EPHB1: variants seen among roughly 807,000 people sequenced by gnomAD.
The protein encoded by EPHB1 is EPH receptor B1.
In EPHB1, 30 loss-of-function variants were observed where a neutral mutation model predicts 94.4. The ratio of observed to expected loss-of-function variants is 0.32; its 90% confidence interval spans 0.24 to 0.43. The LOEUF (loss-of-function observed/expected upper bound fraction) is 0.43. Ranked by LOEUF, EPHB1 falls within the 20% of genes least tolerant of loss-of-function variation. The pLI, the probability that EPHB1 is intolerant of heterozygous loss-of-function variation, is 1.00. For missense variants in EPHB1, 1,055 were observed against 1,308.3 expected, an observed-to-expected ratio of 0.81 and a Z score of 2.99; for synonymous variants, 522 against 489.1, an observed-to-expected ratio of 1.07 and a Z score of -0.89.
intron 9 of EPHB1, among the ~76,000 whole-genome samples, chr3:135,177,665 C>T (rs1279288244): frequency 1.3e-5 from 2 of 152,188 alleles, no homozygotes; most frequent in African/African-American, 4.8e-5. Context: ...CTTCCCTTCT[C>T]ATCTCAGGTA....
At chr3:134,965,770 G>A (rs774947878) in intron 3 of EPHB1, among the ~76,000 whole-genome samples, 10 of 151,922 alleles carry the variant, frequency 6.6e-5, no homozygotes, top group Non-Finnish European at 1.0e-4. Flanking sequence ...TCCACCTTGA[G>A]GACCTTCTGC....
intron 3 of EPHB1, among the ~76,000 whole-genome samples, chr3:135,049,064 C>T (rs778908311): frequency 4.6e-5 from 7 of 152,130 alleles, no homozygotes; most frequent in African/African-American, 1.7e-4. Context: ...TAAGTGGAGC[C>T]GCCTATTCTG....
chr3:135,112,752 G>C (rs1479629615), intron 4 of EPHB1, among the ~76,000 whole-genome samples: 1 of 151,862 alleles, frequency 6.6e-6, no homozygotes, highest in African/African-American at 2.4e-5. Flanking sequence ...GTATTCCATG[G>C]TGTATATGTG....
chr3:135,066,411 T>G (rs991284100), intron 3 of EPHB1, among the ~76,000 whole-genome samples: 1 of 152,364 alleles, frequency 6.6e-6, no homozygotes, highest in East Asian at 1.9e-4. Context: ...TTCCTTTTTC[T>G]TTGTCTTTGT....
chr3:135,232,744 A>G (rs770376042), intron 12 of EPHB1, among the ~76,000 whole-genome samples: 3 of 152,228 alleles, frequency 2.0e-5, no homozygotes, highest in Non-Finnish European at 4.4e-5. Context: ...TTATAAAGAA[A>G]GAGGTTTAAT....
chr3:135,254,529 T>C (rs1434154694), intron 15 of EPHB1, among the ~76,000 whole-genome samples: 1 of 151,478 alleles, frequency 6.6e-6, no homozygotes, highest in African/African-American at 2.4e-5. Flanking sequence ...TTGATTTGCG[T>C]ATATTGAACC....
In EPHB1 at chr3:134,826,317, A is replaced by T. The variant is rs11922047; in HGVS notation, c.58+30628A>T. On this transcript the variant is annotated intron_variant, in intron 1 of 15. Coordinates refer to ENST00000398015, the MANE Select transcript of EPHB1 (RefSeq NM_004441.5). The stretch of plus-strand genomic sequence containing the variant: ...CTGAGCTAAGAGCCAGAATACAATT[A>T]GGAAGTTCTTCTTGTTATCTGCTTG... Among the ~76,000 whole-genome samples, 1,278 of 151,814 alleles carry T rather than the reference A, an allele frequency of 8.4e-3. 12 individuals are homozygous for T. Among genetic ancestry groups the T allele is most frequent in the African/African-American group, 0.028 (1,170 of 41,396 alleles).
intron 2 of EPHB1, among the ~76,000 whole-genome samples, chr3:134,938,602 A>G (rs949448579): frequency 2.6e-5 from 4 of 152,366 alleles, no homozygotes; most frequent in African/African-American, 2.4e-5. Flanking sequence ...CAGAAGAGTC[A>G]TAGAGCATAC....
At chr3:135,137,086 G>A (rs1296314403) in intron 5 of EPHB1, among the ~76,000 whole-genome samples, 1 of 152,220 alleles carries the variant, frequency 6.6e-6, no homozygotes, top group East Asian at 1.9e-4. Context: ...GAGTGTCAAA[G>A]TTGGAAAAGA....
rs117868147 is a variant in EPHB1 at position 135,105,017 on chromosome 3, G to A, written c.806-1431G>A. Reference sequence around the variant, plus strand: ...CCTTGGTAACTTTTGTAACCTCTCCGTGTCCCAGTTTCCTCATTAGCAAAA... The same window carrying A: ...CCTTGGTAACTTTTGTAACCTCTCCATGTCCCAGTTTCCTCATTAGCAAAA... On this transcript the variant is annotated intron_variant, in intron 3 of 15. Transcript: ENST00000398015. 1.9e-3 allele frequency among the ~76,000 whole-genome samples: 289 copies of A among 152,218 alleles called. 13 individuals carry two copies. In the East Asian group the frequency reaches 0.049, roughly 26 times the overall value.
intron 1 of EPHB1, among the ~76,000 whole-genome samples, chr3:134,832,574 C>T (rs924850581): frequency 3.3e-5 from 5 of 152,194 alleles, no homozygotes; most frequent in Admixed American, 1.3e-4. Context: ...TAATATTTTT[C>T]CTTAATTCAC....
At chr3:135,115,677 T>TGTGGA (rs1477337392) in intron 4 of EPHB1, among the ~76,000 whole-genome samples, 1 of 152,178 alleles carries the variant, frequency 6.6e-6, no homozygotes, top group African/African-American at 2.4e-5. Context: ...CAGGGTTGAC[T>TGTGGA]CTCAGCTCCA....
chr3:135,009,946 A>C (rs181811936), intron 3 of EPHB1, among the ~76,000 whole-genome samples: 1 of 152,354 alleles, frequency 6.6e-6, no homozygotes, highest in Non-Finnish European at 1.5e-5. Context: ...ATGACAAAAA[A>C]CAATTACTTC....
intron 1 of EPHB1, among the ~76,000 whole-genome samples, chr3:134,801,368 A>G (rs2035931735): frequency 6.6e-6 from 1 of 152,164 alleles, no homozygotes; most frequent in Non-Finnish European, 1.5e-5. Context: ...ATCAGCAGAG[A>G]AGTGTCCCCA....
intron 1 of EPHB1, among the ~76,000 whole-genome samples, chr3:134,843,109 T>C (rs938059283): frequency 6.6e-6 from 1 of 152,226 alleles, no homozygotes; most frequent in Admixed American, 6.5e-5. Flanking sequence ...CTGGCTTTGG[T>C]TGTCTAGGAA....
intron 4 of EPHB1, among the ~76,000 whole-genome samples, chr3:135,113,526 G>C (rs1025404318): frequency 6.6e-6 from 1 of 152,172 alleles, no homozygotes; most frequent in African/African-American, 2.4e-5. Flanking sequence ...AACCCCGAGA[G>C]GCAGAGGCGG....
chr3:135,076,261 A>ATATATATAT lies in EPHB1; in HGVS notation c.806-30187_806-30186insTATATATAT, dbSNP rs1553729687. The stretch of plus-strand genomic sequence containing the variant: ...TATATATATATATATATATATATAT[A>ATATATATAT]ACTCTTAAATGCATTAGTAAAAAGT... On this transcript the variant is annotated intron_variant, in intron 3 of 15. Transcript: ENST00000398015. Among the ~76,000 whole-genome samples the ATATATATAT allele has an allele frequency of 1.1e-4, 12 of 112,558 alleles. No homozygotes were observed. In the South Asian group the frequency reaches 1.1e-3, roughly 10 times the overall value. The allele number at this position is 112,558 out of a possible 152,430, so 73.8% of individuals were successfully genotyped here.
At chr3:135,195,918 C>G (rs1942592731) in intron 11 of EPHB1, among the ~76,000 whole-genome samples, 1 of 130,294 alleles carries the variant, frequency 7.7e-6, no homozygotes, top group African/African-American at 3.2e-5. Context: ...ACACTGACTT[C>G]CACAATGGTT....
intron 12 of EPHB1, among the ~76,000 whole-genome samples, chr3:135,209,692 G>T (rs1942987861): frequency 6.6e-6 from 1 of 152,176 alleles, no homozygotes; most frequent in Admixed American, 6.5e-5. Context: ...CAATTGTTGG[G>T]CTGGAATAGG....
Sources: gnomAD v4.1 joint callset for allele counts (sites outside exome capture counted in the v4.1 genomes callset) on GRCh38, gnomAD v4.1.1 for gene constraint, MANE v1.5 for transcripts, NCBI Gene and HGNC (gene_info 2026-07-23, HGNC 2026-07-21) for gene names.